The following VPS4B variants were observed in gnomAD, a reference collection of about 807,000 sequenced individuals.
The protein encoded by VPS4B is vacuolar protein sorting 4 homolog B.
Under a neutral mutation model 56.1 loss-of-function variants are expected in VPS4B, and 23 were observed. That is an observed-to-expected ratio of 0.41 (90% CI 0.30 to 0.58). The LOEUF (loss-of-function observed/expected upper bound fraction) is 0.58, where lower values mean the gene tolerates loss of function less well. Ranked by LOEUF, VPS4B falls within the 20% of genes least tolerant of loss-of-function variation. VPS4B has a pLI of 0.29. For missense variants in VPS4B, 372 were observed against 531.9 expected, an observed-to-expected ratio of 0.70 and a Z score of 2.96; for synonymous variants, 177 against 186.0, an observed-to-expected ratio of 0.95 and a Z score of 0.39.
chr18:63,405,919 G>C (rs921029297), intron 4 of VPS4B, among the ~76,000 whole-genome samples: 1 of 151,860 alleles, frequency 6.6e-6, no homozygotes, highest in African/African-American at 2.4e-5. Context: ...CCAGGAGTTC[G>C]AGGCTGCAGT....
chr18:63,406,617 AACAAAGCCAGCCAACAAATAGATGCC>A (rs1915922847), intron 4 of VPS4B, among the ~76,000 whole-genome samples: 1 of 152,288 alleles, frequency 6.6e-6, no homozygotes, highest in African/African-American at 2.4e-5. Flanking sequence ...CTCAGTGATT[AACAAAGCCAGCCAACAAATAGATGCC>A]TTTTTAGATA....
At chr18:63,419,782 T>A (rs1916253282) in intron 1 of VPS4B, among the ~76,000 whole-genome samples, 1 of 152,246 alleles carries the variant, frequency 6.6e-6, no homozygotes, top group African/African-American at 2.4e-5. Context: ...TTAAAATTTT[T>A]GGACCCAGGT....
chr18:63,399,195 T>C (rs781308410), intron 8 of VPS4B, 47 bp downstream of exon 8: 1 of 1,475,970 alleles, frequency 6.8e-7, no homozygotes, highest in South Asian at 1.2e-5. Context: ...TATCATCTAC[T>C]TGTTACATCT....
At position 63,422,429 on chromosome 18, in the gene VPS4B, C is replaced by G. The variant is rs1004462965; in HGVS notation, c.-170G>C. The G allele has an allele frequency of 5.1e-5, 26 of 507,566 alleles. No individual in the cohort carries two copies. Among genetic ancestry groups the G allele is most frequent in the African/African-American group, 4.8e-4 (24 of 50,012 alleles). The allele number at this position is 507,566 out of a possible 1,614,324, so 31.4% of individuals were successfully genotyped here. A position where few individuals can be genotyped will look rare whatever the true frequency, so the allele number is the denominator to read the frequency against. ...TTGTTTTAGACAACACTCTCTCCAC[C>G]AGAGCTCCGACCCTCCCCACCAAAC... On this transcript the variant is annotated 5_prime_UTR_variant, in exon 1 of 11. Transcript: ENST00000238497.
chr18:63,398,007 G>A (rs1568084492), intron 8 of VPS4B, among the ~76,000 whole-genome samples: 2 of 152,066 alleles, frequency 1.3e-5, no homozygotes, highest in African/African-American at 4.8e-5. Context: ...TGGGATAAAA[G>A]TGGCAAAAAC....
At chr18:63,399,414 T>C in intron 7 of VPS4B, 91 bp from the exon 8 acceptor site, 2 of 1,165,338 alleles carry the variant, frequency 1.7e-6, no homozygotes, top group South Asian at 2.6e-5. Context: ...TGTGGTGCTT[T>C]ACCATTAAAG....
At chr18:63,399,134 A>C in intron 8 of VPS4B, 108 bp downstream of exon 8, 1 of 1,013,710 alleles carries the variant, frequency 9.9e-7, no homozygotes, top group East Asian at 2.4e-5. Context: ...AGCACATTAC[A>C]AATCTTTTGA....
In VPS4B at chr18:63,390,938, A is replaced by C. The variant is rs575620345; in HGVS notation, c.*37T>G. On this transcript the variant is annotated 3_prime_UTR_variant, in exon 11 of 11. Transcript: ENST00000238497. ...AATAGACAAAAATATCTATGAAAGA[A>C]AGAATACATATGGTAAGCATCTTCC... 1.1e-5 allele frequency: 15 copies of C among 1,396,358 alleles called. No homozygotes were observed. Among genetic ancestry groups the C allele is most frequent in the Non-Finnish European group, 1.5e-5 (15 of 992,514 alleles). 86.5% of individuals were successfully genotyped at this position (1,396,358 alleles called of 1,614,324 possible). A position where few individuals can be genotyped will look rare whatever the true frequency, so the allele number is the denominator to read the frequency against.
chr18:63,395,479 A>G (rs1007334713), intron 9 of VPS4B, among the ~76,000 whole-genome samples: 1 of 152,192 alleles, frequency 6.6e-6, no homozygotes, highest in Non-Finnish European at 1.5e-5. Context: ...AATGAGCTTT[A>G]AAGAAGTAAT....
At chr18:63,395,594 A>C (rs1166158617) in intron 9 of VPS4B, among the ~76,000 whole-genome samples, 3 of 152,218 alleles carry the variant, frequency 2.0e-5, no homozygotes, top group African/African-American at 4.8e-5. Context: ...GTACATGATA[A>C]ATATACGTAT....
chr18:63,420,778 G>A lies in VPS4B; in HGVS notation c.27+1455C>T, dbSNP rs1160237419. Among the ~76,000 whole-genome samples the A allele has an allele frequency of 2.6e-5, 4 of 151,982 alleles. No individual in the cohort carries two copies. In the South Asian group the frequency reaches 6.2e-4, roughly 24 times the overall value. ...TAGTCATCCGGGCACGGTGACTCACGCCTGTAATCCCAGCACTTTGGGAGG... is the reference window on the plus strand; with the variant it reads ...TAGTCATCCGGGCACGGTGACTCACACCTGTAATCCCAGCACTTTGGGAGG... On this transcript the variant is annotated intron_variant, in intron 1 of 10. Transcript: ENST00000238497.
chr18:63,420,154 G>A (rs1916261793), intron 1 of VPS4B, among the ~76,000 whole-genome samples: 1 of 152,130 alleles, frequency 6.6e-6, no homozygotes, highest in South Asian at 2.1e-4. Flanking sequence ...ATTCAAGTAT[G>A]ATGCATTCTG....
At chr18:63,393,980 G>A (rs1482237839) in intron 9 of VPS4B, among the ~76,000 whole-genome samples, 1 of 151,956 alleles carries the variant, frequency 6.6e-6, no homozygotes, top group Admixed American at 6.6e-5. Flanking sequence ...CTTGTGATCC[G>A]CCAGCCTCGG....
At chr18:63,399,120 T>C (rs1281906488) in intron 8 of VPS4B, 122 bp downstream of exon 8, 1 of 819,844 alleles carries the variant, frequency 1.2e-6, no homozygotes, top group East Asian at 2.6e-5. Context: ...AGCAACAGGG[T>C]TAGAGCACAT....
At chr18:63,415,100 G>C (rs1271937212) in intron 1 of VPS4B, among the ~76,000 whole-genome samples, 2 of 152,140 alleles carry the variant, frequency 1.3e-5, no homozygotes, top group East Asian at 3.9e-4. Context: ...TGAATTAAGA[G>C]GATATGCATC....
chr18:63,415,212 T>C (rs1477564728), intron 1 of VPS4B: 3 of 152,282 alleles, frequency 2.0e-5, no homozygotes, highest in African/African-American at 4.8e-5. Context: ...TCATTTGAAA[T>C]AAAATTAACC....
chr18:63,401,611 G>T (rs563667806), intron 5 of VPS4B, among the ~76,000 whole-genome samples: 1 of 151,974 alleles, frequency 6.6e-6, no homozygotes, highest in East Asian at 1.9e-4. Context: ...TCAACTCTTC[G>T]AGCCTCAATT....
At chr18:63,411,311 A>G (rs377118201) in intron 2 of VPS4B, among the ~76,000 whole-genome samples, 156 bp downstream of exon 2, 45 of 152,216 alleles carry the variant, frequency 3.0e-4, no homozygotes, top group African/African-American at 1.1e-3. Flanking sequence ...CTACATCTCA[A>G]TACTTAAAAA....
At chr18:63,402,424 A>G (rs1346614253) in intron 5 of VPS4B, among the ~76,000 whole-genome samples, 1 of 152,192 alleles carries the variant, frequency 6.6e-6, no homozygotes, top group African/African-American at 2.4e-5. Context: ...ATGAGGCAGA[A>G]GGCTCCTGCC....
Sources: allele counts gnomAD v4.1 joint callset (sites outside exome capture counted in the v4.1 genomes callset), GRCh38; gene constraint gnomAD v4.1.1; transcripts MANE v1.5; gene names NCBI Gene and HGNC (gene_info 2026-07-23, HGNC 2026-07-21).